Variants in IGFL3 observed in about 807,000 individuals in gnomAD.
The protein encoded by IGFL3 is IGF like family member 3.
A neutral mutation model predicts 17.0 loss-of-function variants in IGFL3; 12 were observed. That is an observed-to-expected ratio of 0.71 (90% CI 0.45 to 1.14). The LOEUF (loss-of-function observed/expected upper bound fraction) is 1.14, where lower values mean the gene tolerates loss of function less well. Among genes scored for constraint, IGFL3 ranks in the 50% most tolerant of loss-of-function variants. The probability of loss-of-function intolerance (pLI) is 0.00; values close to 1 mark genes in which losing one functional copy is unlikely to be tolerated. For synonymous variants in IGFL3, 52 were observed against 57.4 expected (o/e 0.91, Z 0.42); for missense variants, 153 against 151.6 (o/e 1.01, Z -0.05).
rs771759485 is a variant in IGFL3, at chr19:46,124,107, A to G, written c.129T>C (p.Cys43=). ...CTGAAGGGTTGTAGATCTTGTTCCC[A>G]CACCTGGGTGTCGGCTGGCACAGCC... ...GLWLCQPTPR[C]GNKIYNPSEQ... Residue 43 remains cysteine, a synonymous_variant, in exon 3 of 4, where the codon TGT becomes TGC. Transcript: ENST00000341415. 1 of 1,611,310 alleles carries G rather than the reference A, an allele frequency of 6.2e-7. No individual in the cohort carries two copies. The highest frequency in any genetic ancestry group is 8.5e-7 in the Non-Finnish European group (1 of 1,179,502).
rs574026837 is a variant in IGFL3 at position 46,120,306 on chromosome 19, G to A, written c.*24C>T. 4.9e-5 allele frequency: 79 copies of A among 1,610,500 alleles called. 6 individuals carry two copies. Among genetic ancestry groups the A allele is most frequent in the East Asian group, 2.9e-4 (13 of 44,294 alleles). On this transcript the variant is annotated 3_prime_UTR_variant, in exon 4 of 4. Coordinates refer to ENST00000341415, the MANE Select transcript of IGFL3 (RefSeq NM_207393.2). ...TTCGTCTCTTCTCCCCTTGTCTGCC[G>A]TCTGCCAGTGGAGCCTGGGGTTTTT...
In IGFL3 at chr19:46,123,331, A is replaced by G. The variant is rs561032852; in HGVS notation, c.350+555T>C. Among the ~76,000 whole-genome samples, 8 of 151,074 alleles carry G rather than the reference A, an allele frequency of 5.3e-5. 1 individual carries two copies. Among genetic ancestry groups the G allele is most frequent in the East Asian group, 3.9e-4 (2 of 5,094 alleles). On this transcript the variant is annotated intron_variant, in intron 3 of 3. Transcript: ENST00000341415. ...TCTTAAAAATAGAAACAAAAGGACT[A>G]CTTAAACTGACATTAACTAATAAAA...
At position 46,120,409 on chromosome 19, in the gene IGFL3, A is replaced by G. The variant is rs1296479177; in HGVS notation, c.351-52T>C. On this transcript the variant is annotated intron_variant, in intron 3 of 3. Coordinates refer to ENST00000341415, the MANE Select transcript of IGFL3 (RefSeq NM_207393.2). ...TCTTAACAACATATATTCTCAGGAA[A>G]AAATTATCCCCTACAAAAGCAATTT... 16 of 1,607,400 alleles carry G rather than the reference A, an allele frequency of 1.0e-5. No homozygotes were observed. The East Asian group carries it at 1.1e-4, about 11-fold the overall frequency.
chr19:46,123,842 C>A, intron 3 of IGFL3, 44 bp downstream of exon 3: 1 of 1,558,254 alleles, frequency 6.4e-7, no homozygotes, highest in South Asian at 1.2e-5. Flanking sequence ...TATCCCTCAT[C>A]CCTCCCTCAT....
At chr19:46,122,893 G>A (rs748970504) in intron 3 of IGFL3, among the ~76,000 whole-genome samples, 1 of 150,786 alleles carries the variant, frequency 6.6e-6, no homozygotes, top group Non-Finnish European at 1.5e-5. Flanking sequence ...TGATTAAAAT[G>A]TAATCTTCCA....
At chr19:46,120,896 C>A (rs1971724877) in intron 3 of IGFL3, among the ~76,000 whole-genome samples, 1 of 150,776 alleles carries the variant, frequency 6.6e-6, no homozygotes. Context: ...ACATTGAATT[C>A]ATCAGTCATG....
intron 3 of IGFL3, among the ~76,000 whole-genome samples, chr19:46,121,407 A>AG (rs1395628955): frequency 2.0e-5 from 3 of 148,806 alleles, no homozygotes; most frequent in Non-Finnish European, 4.4e-5. Flanking sequence ...AAAAAAAAAA[A>AG]AAGAAGAAGA....
At chr19:46,123,045 T>C (rs1252630325) in intron 3 of IGFL3, among the ~76,000 whole-genome samples, 2 of 151,058 alleles carry the variant, frequency 1.3e-5, no homozygotes, top group African/African-American at 2.5e-5. Flanking sequence ...CTTGAAACAT[T>C]AGATTACTTA....
At position 46,120,162 on chromosome 19, in the gene IGFL3, C is replaced by T. The variant is rs1474013554; in HGVS notation, c.*168G>A. 9 of 881,920 alleles carry T rather than the reference C, an allele frequency of 1.0e-5. No individual in the cohort carries two copies. The highest frequency in any genetic ancestry group is 1.3e-5 in the Non-Finnish European group (8 of 606,848). 54.6% of individuals were successfully genotyped at this position (881,920 alleles called of 1,614,324 possible). On this transcript the variant is annotated 3_prime_UTR_variant, in exon 4 of 4. Transcript: ENST00000341415. ...GGGGATGAAGCAGGAAGGCATTCTT[C>T]CCCTGAAGTCTGGCCATCCCCAGCT...
intron 3 of IGFL3, 41 bp from the exon 4 acceptor site, chr19:46,120,398 A>T: frequency 6.2e-7 from 1 of 1,609,146 alleles, no homozygotes; most frequent in Non-Finnish European, 8.5e-7. Context: ...AACAACATAT[A>T]TTCTCAGGAA....
intron 3 of IGFL3, 100 bp from the exon 4 acceptor site, chr19:46,120,457 C>T (rs1256572669): frequency 6.5e-6 from 10 of 1,533,120 alleles, no homozygotes; most frequent in Non-Finnish European, 8.9e-6. Context: ...CTTTAACAGA[C>T]TTGACTGCTA....
At chr19:46,122,656 T>C (rs1277813228) in intron 3 of IGFL3, among the ~76,000 whole-genome samples, 1 of 151,110 alleles carries the variant, frequency 6.6e-6, no homozygotes, top group East Asian at 2.0e-4. Flanking sequence ...TTACTTTCTG[T>C]AAGTTACATT....
intron 3 of IGFL3, among the ~76,000 whole-genome samples, chr19:46,121,962 T>TA (rs1350251237): frequency 6.6e-6 from 1 of 151,028 alleles, no homozygotes; most frequent in East Asian, 2.0e-4. Flanking sequence ...TGTAAAAATG[T>TA]AAAAACAAAC....
chr19:46,122,628 T>A (rs529680090), intron 3 of IGFL3, among the ~76,000 whole-genome samples: 5 of 151,188 alleles, frequency 3.3e-5, no homozygotes, highest in African/African-American at 9.8e-5. Context: ...TTGCTGTTAT[T>A]CTGAATATAA....
In IGFL3 at chr19:46,124,644, C is replaced by T. The variant is rs1290250883; in HGVS notation, c.6G>A (p.Arg2=). M[R]PRCCILALVC... ...ACTTGCCCAAGATGCAGCATCGTGG[C>T]CTCATGCTTCCAAAGATGCTCTAGG... The change falls in exon 1 of 4, where the codon AGG becomes AGA. Residue 2 remains arginine, a synonymous_variant. Transcript: ENST00000341415. 5.6e-6 allele frequency: 9 copies of T among 1,608,720 alleles called. No homozygotes were observed. The highest frequency in any genetic ancestry group is 1.7e-5 in the Admixed American group (1 of 59,664).
rs1025927680 is a variant in IGFL3, at chr19:46,120,325, G to C, written c.*5C>G. On this transcript the variant is annotated 3_prime_UTR_variant, in exon 4 of 4. Transcript: ENST00000341415. Reference sequence around the variant, plus strand: ...TCTGCCGTCTGCCAGTGGAGCCTGGGGTTTTTATGGGTACAGGACGTGCCT... The same window carrying C: ...TCTGCCGTCTGCCAGTGGAGCCTGGCGTTTTTATGGGTACAGGACGTGCCT... 6.8e-6 allele frequency: 11 copies of C among 1,610,828 alleles called. 1 individual carries two copies. The highest frequency in any genetic ancestry group is 1.7e-4 in the Middle Eastern group (1 of 6,046).
rs766095884 is a variant in IGFL3 at position 46,124,131 on chromosome 19, CCA to C, written c.103_104del (p.Trp35AlafsTer22). ...CACACCTGGGTGTCGGCTGGCACAG[CCA>C]CAGTCCTGAGCCAACAGGAGCGTCT... ...TTDAPVGSGL[W>X]LCQPTPRCGN... On this transcript the variant is annotated frameshift_variant, in exon 3 of 4. Coordinates refer to ENST00000341415, the MANE Select transcript of IGFL3 (RefSeq NM_207393.2). LOFTEE classifies it high-confidence loss of function. The C allele has an allele frequency of 6.2e-7, 1 of 1,611,010 alleles. No homozygotes were observed. Among genetic ancestry groups the C allele is most frequent in the Non-Finnish European group, 8.5e-7 (1 of 1,179,350 alleles).
chr19:46,124,445 T>A, intron 1 of IGFL3, 124 bp from the exon 2 acceptor site: 5 of 1,210,300 alleles, frequency 4.1e-6, no homozygotes, highest in Non-Finnish European at 4.8e-6. Flanking sequence ...TGGGGCTAAG[T>A]CTGTATGGGA....
At chr19:46,122,087 T>C (rs1971806751) in intron 3 of IGFL3, among the ~76,000 whole-genome samples, 1 of 151,154 alleles carries the variant, frequency 6.6e-6, no homozygotes, top group Non-Finnish European at 1.5e-5. Context: ...CTTCTTTTTC[T>C]CTGTACTGAA....
Sources: gnomAD v4.1 joint callset for allele counts (sites outside exome capture counted in the v4.1 genomes callset) on GRCh38, gnomAD v4.1.1 for gene constraint, MANE v1.5 for transcripts, NCBI Gene and HGNC (gene_info 2026-07-23, HGNC 2026-07-21) for gene names.